The following IFNAR2 variants were observed in gnomAD, a reference collection of about 807,000 sequenced individuals.
The protein encoded by IFNAR2 is interferon alpha and beta receptor subunit 2, also known as interferon alpha/beta receptor 2.
A neutral mutation model predicts 49.4 loss-of-function variants in IFNAR2; 30 were observed. That is an observed-to-expected ratio of 0.61 (90% CI 0.45 to 0.82). The LOEUF is 0.82. Among genes scored for constraint, IFNAR2 ranks in the 40% least tolerant of loss-of-function variants. The pLI is 0.00. For synonymous variants in IFNAR2, 224 were observed against 234.5 expected (o/e 0.96, Z 0.41); for missense variants, 600 against 622.7 (o/e 0.96, Z 0.39).
At chr21:33,256,245 C>G (rs1427813107) in intron 7 of IFNAR2, among the ~76,000 whole-genome samples, 1 of 152,188 alleles carries the variant, frequency 6.6e-6, no homozygotes, top group Non-Finnish European at 1.5e-5. Context: ...TCAGGTCATT[C>G]CATTTTTACT....
rs769194800 is a variant in IFNAR2, at chr21:33,242,009, G to C, written c.55+32G>C. ...GCTGCTTTTTATCTTAGCTCTTATAGAAGCAAGCTGTGATGCCATCCTCAC... is the reference window on the plus strand; with the variant it reads ...GCTGCTTTTTATCTTAGCTCTTATACAAGCAAGCTGTGATGCCATCCTCAC... On this transcript the variant is annotated intron_variant, in intron 2 of 8. Transcript: ENST00000342136. The C allele has an allele frequency of 3.1e-6, 5 of 1,600,446 alleles. No homozygotes were observed. The South Asian group carries it at 5.6e-5, about 18-fold the overall frequency.
chr21:33,242,480 C>T (rs17860255), intron 2 of IFNAR2, among the ~76,000 whole-genome samples: 1 of 152,012 alleles, frequency 6.6e-6, no homozygotes, highest in Non-Finnish European at 1.5e-5. Flanking sequence ...CGCCTGTAAT[C>T]CCTGCACTTT....
chr21:33,258,817 A>G (rs2123524509), intron 7 of IFNAR2, among the ~76,000 whole-genome samples: 1 of 152,244 alleles, frequency 6.6e-6, no homozygotes, highest in South Asian at 2.1e-4. Context: ...AAGCCGTTGC[A>G]AGAGATGGGG....
chr21:33,261,812 G>A (rs1045900260), intron 8 of IFNAR2, among the ~76,000 whole-genome samples: 1 of 152,196 alleles, frequency 6.6e-6, no homozygotes, highest in African/African-American at 2.4e-5. Context: ...GGAGGTGGAG[G>A]CTGCAGTGAG....
rs774460880 is a variant in IFNAR2, at chr21:33,263,198, G to C, written c.1246G>C (p.Gly416Arg). Residue 416 changes from glycine (G) to arginine (R), a missense_variant, in exon 9 of 9, where the codon GGG (glycine) becomes CGG (arginine). Coordinates refer to ENST00000342136, the MANE Select transcript of IFNAR2 (RefSeq NM_001289125.3). ...CGAAGAGGACTACAGCTCCACGGAGGGGTCTGGGGGCAGAATTACCTTCAA... is the reference window on the plus strand; with the variant it reads ...CGAAGAGGACTACAGCTCCACGGAGCGGTCTGGGGGCAGAATTACCTTCAA... ...FPEEDYSSTEGSGGRITFNVD... is the reference protein window; with the variant it reads ...FPEEDYSSTERSGGRITFNVD... 6.2e-7 allele frequency: 1 copy of C among 1,614,208 alleles called. No individual in the cohort carries two copies. The highest frequency in any genetic ancestry group is 1.1e-5 in the South Asian group (1 of 91,082).
chr21:33,241,707 A>C, intron 1 of IFNAR2, 133 bp from the exon 2 acceptor site: 1 of 494,318 alleles, frequency 2.0e-6, no homozygotes, highest in Non-Finnish European at 3.3e-6. Flanking sequence ...AATTCCTCCC[A>C]GACTAGGTAG....
intron 1 of IFNAR2, 97 bp from the exon 2 acceptor site, chr21:33,241,743 A>T (rs1986941998): frequency 4.9e-6 from 4 of 824,104 alleles, no homozygotes; most frequent in South Asian, 2.4e-5. Flanking sequence ...AGCTGAGACC[A>T]GGCTCACTTG....
At chr21:33,260,555 T>C in intron 7 of IFNAR2, 42 bp from the exon 8 acceptor site, 1 of 1,562,448 alleles carries the variant, frequency 6.4e-7, no homozygotes, top group South Asian at 1.2e-5. Context: ...CAATTGTTTA[T>C]TGCATTTTTT....
intron 6 of IFNAR2, among the ~76,000 whole-genome samples, chr21:33,249,543 A>C (rs1987697285): frequency 6.6e-6 from 1 of 152,088 alleles, no homozygotes; most frequent in South Asian, 2.1e-4. Flanking sequence ...ACAGTAAGGA[A>C]GTGGCTTATC....
chr21:33,252,639 T>C (rs752413119), intron 6 of IFNAR2, 23 bp from the exon 7 acceptor site: 10 of 1,603,016 alleles, frequency 6.2e-6, no homozygotes, highest in Admixed American at 3.5e-5. Context: ...TCAGTCTTAC[T>C]GATTTTTTGC....
chr21:33,239,425 C>T (rs17860165), intron 1 of IFNAR2, among the ~76,000 whole-genome samples: 42,532 of 152,130 alleles, frequency 0.28, 6,710 homozygotes, highest in East Asian at 0.57. Context: ...CTTCCCCCTC[C>T]GGCCCAGAGT....
At chr21:33,231,770 C>A in intron 1 of IFNAR2, 2 of 810,278 alleles carry the variant, frequency 2.5e-6, no homozygotes, top group Non-Finnish European at 3.0e-6. Flanking sequence ...TTGACAAAGT[C>A]TCGCTCTGTC....
chr21:33,235,463 A>G lies in IFNAR2; in HGVS notation c.-84+5247A>G, dbSNP rs1490327193. Among the ~76,000 whole-genome samples the G allele has an allele frequency of 4.6e-5, 7 of 152,188 alleles. No individual in the cohort carries two copies. In the East Asian group the frequency reaches 1.3e-3, roughly 29 times the overall value. On this transcript the variant is annotated intron_variant, in intron 1 of 8. Coordinates refer to ENST00000342136, the MANE Select transcript of IFNAR2 (RefSeq NM_001289125.3). The stretch of plus-strand genomic sequence containing the variant: ...AAGGAGCTTGGTGCATTGTCAGGCA[A>G]CAGTGAGCTACAGACTGAGCTCACT...
chr21:33,262,628 C>T (rs1568896969), intron 8 of IFNAR2, 165 bp from the exon 9 acceptor site: 1 of 970,338 alleles, frequency 1.0e-6, no homozygotes, highest in Non-Finnish European at 1.6e-6. Flanking sequence ...GCACTACAGT[C>T]TGAAACTCCT....
chr21:33,244,514 C>T (rs1193296603), intron 3 of IFNAR2, among the ~76,000 whole-genome samples: 4 of 152,070 alleles, frequency 2.6e-5, no homozygotes, highest in African/African-American at 4.8e-5. Flanking sequence ...AAATTTGCAG[C>T]GGGCTGAGCT....
intron 1 of IFNAR2, among the ~76,000 whole-genome samples, chr21:33,236,501 A>G (rs148951168): frequency 7.9e-5 from 12 of 152,154 alleles, no homozygotes; most frequent in South Asian, 2.1e-4. Context: ...GCCAGACCCA[A>G]CCTCCAGCCA....
rs1985908062 is a variant in IFNAR2, at chr21:33,230,011, C to A, written c.-289C>A. ...ACGCTTCTTCCCGGCGGGTAGGAATCCCGCCGGCGAGCCGAACAGTTCCCC... is the reference window on the plus strand; with the variant it reads ...ACGCTTCTTCCCGGCGGGTAGGAATACCGCCGGCGAGCCGAACAGTTCCCC... On this transcript the variant is annotated 5_prime_UTR_variant, in exon 1 of 9. Coordinates refer to ENST00000342136, the MANE Select transcript of IFNAR2 (RefSeq NM_001289125.3). The surrounding 1 kb of genome is among the most constrained non-coding windows in gnomAD (Gnocchi z 5.5). The A allele has an allele frequency of 4.1e-6, 4 of 984,954 alleles. No homozygotes were observed. The highest frequency in any genetic ancestry group is 4.8e-6 in the Non-Finnish European group (4 of 829,712). The allele number at this position is 984,954 out of a possible 1,614,324, so 61.0% of individuals were successfully genotyped here.
chr21:33,246,972 C>A, intron 5 of IFNAR2, 82 bp downstream of exon 5: 3 of 1,249,256 alleles, frequency 2.4e-6, no homozygotes, highest in Admixed American at 2.1e-5. Flanking sequence ...AGGAGGTCTA[C>A]AAAGGTGTTT....
Position 33,230,695 on chromosome 21 carries a change from C to T in IFNAR2, c.-84+479C>T, listed in dbSNP as rs1985992287. On this transcript the variant is annotated intron_variant, in intron 1 of 8. Transcript: ENST00000342136. The surrounding 1 kb of genome is among the most constrained non-coding windows in gnomAD (Gnocchi z 5.5). ...TCCCCTGGGATTAGCCCCCCTCGAC[C>T]TGCGTCAGGGTCACAGACTGCAGCC... 1 of 431,770 alleles carries T rather than the reference C, an allele frequency of 2.3e-6. No individual in the cohort carries two copies. The highest frequency in any genetic ancestry group is 7.6e-5 in the East Asian group (1 of 13,136). 26.7% of individuals were successfully genotyped at this position (431,770 alleles called of 1,614,324 possible). A position where few individuals can be genotyped will look rare whatever the true frequency, so the allele number is the denominator to read the frequency against.
Sources: allele counts gnomAD v4.1 joint callset (sites outside exome capture counted in the v4.1 genomes callset), GRCh38; gene constraint gnomAD v4.1.1; non-coding constraint Gnocchi (gnomAD v3.1); transcripts MANE v1.5; gene names NCBI Gene and HGNC (gene_info 2026-07-23, HGNC 2026-07-21).